ZFYVE9: variants seen among roughly 807,000 people sequenced by gnomAD.
The protein encoded by ZFYVE9 is zinc finger FYVE domain-containing protein 9.
In ZFYVE9, 43 loss-of-function variants were observed where a neutral mutation model predicts 126.7. The observed-to-expected ratio is 0.34, with a 90% confidence interval of 0.27 to 0.44. ZFYVE9 has a LOEUF of 0.44. Ranked by LOEUF, ZFYVE9 falls within the 20% of genes least tolerant of loss-of-function variation. ZFYVE9 has a pLI of 1.00. For missense variants in ZFYVE9, 1,476 were observed against 1,697.0 expected, an observed-to-expected ratio of 0.87 and a Z score of 2.29; for synonymous variants, 521 against 597.4, an observed-to-expected ratio of 0.87 and a Z score of 1.87.
rs1644446682 is a variant in ZFYVE9 at position 52,160,457 on chromosome 1, G to A, written c.-143+18054G>A. The stretch of plus-strand genomic sequence containing the variant: ...GGCAGTGCCTTTCTATGTGTGACCT[G>A]TTACCAGCTGGAATGGACGAGTGGC... On this transcript the variant is annotated intron_variant, in intron 1 of 18. Transcript: ENST00000287727. 3.5e-6 allele frequency: 3 copies of A among 848,266 alleles called. No homozygotes were observed. The South Asian group carries it at 4.0e-5, about 11-fold the overall frequency. The allele number at this position is 848,266 out of a possible 1,614,324, so 52.5% of individuals were successfully genotyped here.
At chr1:52,305,197 T>C (rs987908803) in intron 13 of ZFYVE9, among the ~76,000 whole-genome samples, 12 of 152,202 alleles carry the variant, frequency 7.9e-5, no homozygotes, top group Non-Finnish European at 1.6e-4. Context: ...TCCCAGCACT[T>C]TGGGAGGCCA....
rs552290866 is a variant in ZFYVE9 at position 52,177,346 on chromosome 1, C to T, written c.-143+34943C>T. On this transcript the variant is annotated intron_variant, in intron 1 of 18. Coordinates refer to ENST00000287727, the MANE Select transcript of ZFYVE9 (RefSeq NM_004799.4). ...GTATTTTTGAGTAGAAATGAGATTT[C>T]ACCATCTTGGCCAGGCTGGTCTTGA... Among the ~76,000 whole-genome samples the T allele has an allele frequency of 2.0e-5, 3 of 152,238 alleles. No individual in the cohort carries two copies. The East Asian group carries it at 5.8e-4, about 29-fold the overall frequency.
intron 9 of ZFYVE9, among the ~76,000 whole-genome samples, chr1:52,279,291 T>C (rs76007553): frequency 0.034 from 5,162 of 152,256 alleles, 137 homozygotes; most frequent in Middle Eastern, 0.14. Flanking sequence ...GCTACTCAAA[T>C]AATTTACATG....
intron 12 of ZFYVE9, among the ~76,000 whole-genome samples, chr1:52,297,601 T>A (rs1645990092): frequency 6.6e-6 from 1 of 152,194 alleles, no homozygotes; most frequent in Non-Finnish European, 1.5e-5. Flanking sequence ...TGGTTCTTTT[T>A]AAGCCACTTA....
At chr1:52,269,608 C>A (rs985943034) in intron 7 of ZFYVE9, among the ~76,000 whole-genome samples, 1 of 152,008 alleles carries the variant, frequency 6.6e-6, no homozygotes, top group African/African-American at 2.4e-5. Flanking sequence ...AGCTGACTTA[C>A]CTGTTTGGTG....
intron 4 of ZFYVE9, among the ~76,000 whole-genome samples, chr1:52,245,465 G>A (rs1006579892): frequency 7.9e-5 from 12 of 152,086 alleles, no homozygotes; most frequent in Admixed American, 2.0e-4. Flanking sequence ...TGTGCCAGGC[G>A]CTTTTCTAAA....
chr1:52,159,131 A>C (rs759995744), intron 1 of ZFYVE9, among the ~76,000 whole-genome samples: 58 of 152,066 alleles, frequency 3.8e-4, no homozygotes, highest in Non-Finnish European at 4.0e-4. Flanking sequence ...AAATATCTGA[A>C]TCTTTACACC....
At position 52,332,798 on chromosome 1, in the gene ZFYVE9, C is replaced by A; in HGVS notation, c.3469C>A (p.His1157Asn). Residue 1157 changes from histidine to asparagine, a missense_variant, in exon 14 of 19, where the codon CAT becomes AAT. Around this residue, in one of 2 missense-constraint regions of ZFYVE9, gnomAD observed 669 missense variants for 902.4 expected, o/e 0.74. Coordinates refer to ENST00000287727, the MANE Select transcript of ZFYVE9 (RefSeq NM_004799.4). ...MMKAMNKSNE[H>N]VLAGGACFNE... is the part of the protein sequence containing the mutation. ...GAAAGCCATGAACAAGTCCAATGAG[C>A]ATGTCCTGGCAGGAGGTGCCTGCTT... 6.2e-7 allele frequency: 1 copy of A among 1,614,060 alleles called. No homozygotes were observed. The highest frequency in any genetic ancestry group is 1.1e-5 in the South Asian group (1 of 91,078).
At chr1:52,255,981 T>TTTCC (rs772190432) in intron 4 of ZFYVE9, among the ~76,000 whole-genome samples, 2,090 of 114,514 alleles carry the variant, frequency 0.018, 76 homozygotes, top group Non-Finnish European at 0.024. Context: ...TCTTTCTTTC[T>TTTCC]TTCCTTCCTT....
In ZFYVE9 at chr1:52,216,678, A is replaced by G. The variant is rs3828059; in HGVS notation, c.-37+204A>G. ...AAAATCACTGTTATTTTGTGTCACA[A>G]TGGTCACAATGTTAATTTCCCTCCC... On this transcript the variant is annotated intron_variant, in intron 2 of 18. Transcript: ENST00000287727. 9.2e-3 allele frequency among the ~76,000 whole-genome samples: 1,405 copies of G among 152,264 alleles called. 65 individuals are homozygous for G. In the East Asian group the frequency reaches 0.12, roughly 13 times the overall value.
chr1:52,217,068 A>G (rs571616036), intron 2 of ZFYVE9, among the ~76,000 whole-genome samples: 6 of 152,270 alleles, frequency 3.9e-5, no homozygotes, highest in East Asian at 1.9e-4. Flanking sequence ...CCGCACTTAG[A>G]CAGAAATTTT....
intron 4 of ZFYVE9, chr1:52,253,836 AAC>A: frequency 2.1e-6 from 3 of 1,447,830 alleles, no homozygotes; most frequent in Non-Finnish European, 2.9e-6. Flanking sequence ...GAAGAAAAAC[AAC>A]AGTTAAGACA....
intron 1 of ZFYVE9, among the ~76,000 whole-genome samples, chr1:52,143,311 T>A (rs1402322497): frequency 6.6e-6 from 1 of 152,228 alleles, no homozygotes; most frequent in Non-Finnish European, 1.5e-5. Context: ...ATAAAATGAT[T>A]TGTTCTGATA....
chr1:52,270,465 G>A (rs560403702), intron 7 of ZFYVE9, among the ~76,000 whole-genome samples: 3 of 151,908 alleles, frequency 2.0e-5, no homozygotes, highest in Admixed American at 6.6e-5. Context: ...GGGGTTTCAC[G>A]ATGTTAGCCA....
chr1:52,341,388 C>T (rs1646436350), intron 17 of ZFYVE9, among the ~76,000 whole-genome samples: 1 of 152,196 alleles, frequency 6.6e-6, no homozygotes, highest in Non-Finnish European at 1.5e-5. Flanking sequence ...ATTAGAGGCT[C>T]ACCTGGGAAT....
intron 1 of ZFYVE9, among the ~76,000 whole-genome samples, chr1:52,149,594 G>A (rs990750388): frequency 7.9e-5 from 12 of 152,144 alleles, no homozygotes; most frequent in Non-Finnish European, 2.9e-5. Context: ...TGTTTGTCTT[G>A]TATGTAGAAT....
chr1:52,264,940 T>C lies in ZFYVE9; in HGVS notation c.2278+1068T>C, dbSNP rs561102462. Among the ~76,000 whole-genome samples the C allele has an allele frequency of 3.1e-4, 47 of 152,342 alleles. 1 individual carries two copies. The South Asian group carries it at 9.3e-3, about 30-fold the overall frequency. On this transcript the variant is annotated intron_variant, in intron 5 of 18. Transcript: ENST00000287727. ...GTGGTTATTTCACTTGGTTGCTCAA[T>C]TGATGATTTTTATTCTGCTGCTTTC...
At chr1:52,219,761 G>GTT (rs1645106321) in intron 2 of ZFYVE9, among the ~76,000 whole-genome samples, 1 of 135,598 alleles carries the variant, frequency 7.4e-6, no homozygotes, top group African/African-American at 2.7e-5. Flanking sequence ...GTGTGTGTGT[G>GTT]TGTGTGTGTG....
At chr1:52,328,021 T>C (rs1646308695) in intron 13 of ZFYVE9, among the ~76,000 whole-genome samples, 1 of 150,554 alleles carries the variant, frequency 6.6e-6, no homozygotes, top group Admixed American at 6.6e-5. Context: ...ATGCAAAGCC[T>C]CAGGGATGGG....
Sources: allele counts gnomAD v4.1 joint callset (sites outside exome capture counted in the v4.1 genomes callset), GRCh38; gene constraint gnomAD v4.1.1; regional missense constraint gnomAD v4.1.1; transcripts MANE v1.5; gene names NCBI Gene and HGNC (gene_info 2026-07-23, HGNC 2026-07-21).